CFAP46: variants seen among roughly 807,000 people sequenced by gnomAD.
CFAP46 encodes the protein cilia and flagella associated protein 46.
CFAP46 carries 245 observed loss-of-function variants against 325.7 expected under a neutral mutation model. The ratio of observed to expected loss-of-function variants is 0.75; its 90% CI spans 0.68 to 0.84. The LOEUF is 0.84. Among genes scored for constraint, CFAP46 ranks in the 40% least tolerant of loss-of-function variants. The probability of loss-of-function intolerance (pLI) is 0.00; values close to 1 mark genes in which losing one functional copy is unlikely to be tolerated. For synonymous variants in CFAP46, 1,523 were observed against 1,495.9 expected (o/e 1.02, Z -0.42); for missense variants, 3,346 against 3,543.0 (o/e 0.94, Z 1.41).
chr10:132,816,326 TTC>T (rs1243443479), intron 50 of CFAP46, among the ~76,000 whole-genome samples: 1 of 145,832 alleles, frequency 6.9e-6, no homozygotes. Context: ...CTCTGACTTC[TTC>T]TTTTTTTTTT....
chr10:132,861,028 G>A (rs1474381301), intron 35 of CFAP46, 46 bp from the exon 36 acceptor site: 1 of 1,526,518 alleles, frequency 6.6e-7, no homozygotes, highest in Non-Finnish European at 8.9e-7. Context: ...CTACAGATGT[G>A]TGCAGGCAGG....
chr10:132,913,896 A>G (rs1033396405), intron 17 of CFAP46, among the ~76,000 whole-genome samples: 2 of 113,454 alleles, frequency 1.8e-5, no homozygotes, highest in African/African-American at 3.4e-5. Flanking sequence ...CCCCTTTCCC[A>G]GCAGCCCCCT....
chr10:132,887,945 T>TCTCTCTCTCCTCTC, intron 25 of CFAP46, among the ~76,000 whole-genome samples: 2 of 72,794 alleles, frequency 2.7e-5, no homozygotes, highest in African/African-American at 2.2e-4. Context: ...CTCTTTCACC[T>TCTCTCTCTCCTCTC]CTCTCTCTCC....
intron 4 of CFAP46, 127 bp downstream of exon 4, chr10:132,940,869 G>A: frequency 1.1e-6 from 1 of 872,384 alleles, no homozygotes; most frequent in Admixed American, 2.1e-5. Context: ...GATCACACGT[G>A]CATGAAAATC....
At position 132,860,991 on chromosome 10, in the gene CFAP46, G is replaced by A; in HGVS notation, c.4891-9C>T. ...CAAGGCTCATCCAGCTCCTGAAGGA[G>A]AGAAACTCAGACATGCTTGGGTTCC... is the stretch of plus-strand genomic sequence containing the variant. On this transcript the variant is annotated splice_polypyrimidine_tract_variant and intron_variant, in intron 35 of 57. Coordinates refer to ENST00000368586, the MANE Select transcript of CFAP46 (RefSeq NM_001200049.3). The A allele has an allele frequency of 6.4e-7, 1 of 1,550,408 alleles. No individual in the cohort carries two copies. The highest frequency in any genetic ancestry group is 8.7e-7 in the Non-Finnish European group (1 of 1,146,996).
chr10:132,830,161 TGA>T (rs1324988460), intron 50 of CFAP46, among the ~76,000 whole-genome samples: 1 of 152,062 alleles, frequency 6.6e-6, no homozygotes, highest in East Asian at 1.9e-4. Context: ...TCTTTTTTTT[TGA>T]GATGGAGTCT....
intron 17 of CFAP46, among the ~76,000 whole-genome samples, chr10:132,915,468 A>C (rs1849622292): frequency 6.6e-6 from 1 of 152,194 alleles, no homozygotes; most frequent in Non-Finnish European, 1.5e-5. Flanking sequence ...CTTCCCTCCA[A>C]AGAGCTCGGC....
Position 132,836,211 on chromosome 10 carries a change from G to A in CFAP46, c.6544C>T (p.Leu2182=). 1 of 1,611,400 alleles carries A rather than the reference G, an allele frequency of 6.2e-7. No individual in the cohort carries two copies. Residue 2182 remains leucine, a synonymous_variant, in exon 46 of 58, where the codon CTG becomes TTG. Coordinates refer to ENST00000368586, the MANE Select transcript of CFAP46 (RefSeq NM_001200049.3). The part of the protein sequence containing the change: ...FLHLSGDRSR[L]YGAAYEKPKF... Reference sequence around the variant, plus strand: ...GGTTTCTCGTAGGCAGCGCCGTACAGACGGGACCTGCTGGCAGGACGTGGG... The same window carrying A: ...GGTTTCTCGTAGGCAGCGCCGTACAAACGGGACCTGCTGGCAGGACGTGGG...
chr10:132,938,530 C>T, intron 5 of CFAP46, 59 bp downstream of exon 5: 1 of 1,568,530 alleles, frequency 6.4e-7, no homozygotes, highest in Non-Finnish European at 8.7e-7. Context: ...GGGTGGTGGC[C>T]TCAGAGCCAG....
intron 43 of CFAP46, 28 bp downstream of exon 43, chr10:132,846,904 G>C (rs1848446798): frequency 1.3e-6 from 2 of 1,590,054 alleles, no homozygotes; most frequent in Non-Finnish European, 1.7e-6. Context: ...GAAGGGCCTG[G>C]CTGGAGGTGG....
intron 25 of CFAP46, among the ~76,000 whole-genome samples, chr10:132,890,169 T>A (rs1298728498): frequency 1.3e-5 from 2 of 152,092 alleles, no homozygotes; most frequent in African/African-American, 4.8e-5. Context: ...CACAGCCTCC[T>A]CTGCCCGGGT....
In CFAP46 at chr10:132,929,783, C is replaced by T. The variant is rs768077197; in HGVS notation, c.888G>A (p.Leu296=). 7.5e-6 allele frequency: 12 copies of T among 1,608,878 alleles called. No individual in the cohort carries two copies. Among genetic ancestry groups the T allele is most frequent in the South Asian group, 1.1e-5 (1 of 90,942 alleles). ...SEEKMLLLFE[L]ARFSLTLKCM... ...ATTTCAAGGTCAAGGAAAAACGCGC[C>T]AATTCAAAAAGCAAAAGCATTCTGC... Residue 296 remains leucine (L), a synonymous_variant, in exon 9 of 58, where the codon TTG becomes TTA. Transcript: ENST00000368586.
chr10:132,839,751 A>G (rs56186782), intron 44 of CFAP46, among the ~76,000 whole-genome samples: 18,687 of 152,238 alleles, frequency 0.12, 1,486 homozygotes, highest in African/African-American at 0.22. Context: ...TGCACCTGTC[A>G]AGGTGATTTT....
In CFAP46 at chr10:132,876,685, C is replaced by T. The variant is rs1039992759; in HGVS notation, c.4362+127G>A. On this transcript the variant is annotated intron_variant, in intron 31 of 57. Transcript: ENST00000368586. This position sits in a 1 kb window ranked among gnomAD's most constrained non-coding sequence, Gnocchi z 4.1. ...GGGAGGGCCTGTGGGAGGCTGGGGG[C>T]TGATGGGACTCTGTCCTGTCCTCCT... The T allele has an allele frequency of 1.4e-5, 14 of 968,898 alleles. No individual in the cohort carries two copies. The highest frequency in any genetic ancestry group is 1.9e-5 in the Non-Finnish European group (13 of 669,640). 60.0% of individuals were successfully genotyped at this position (968,898 alleles called of 1,614,324 possible). A position where few individuals can be genotyped will look rare whatever the true frequency, so the allele number is the denominator to read the frequency against.
chr10:132,938,622 T>C lies in CFAP46; in HGVS notation c.503A>G (p.Glu168Gly), dbSNP rs1850049488. 6.2e-7 allele frequency: 1 copy of C among 1,613,412 alleles called. No homozygotes were observed. The highest frequency in any genetic ancestry group is 1.7e-5 in the Admixed American group (1 of 60,004). Residue 168 changes from glutamate to glycine, a missense_variant, in exon 5 of 58, where the codon GAG becomes GGG. Coordinates refer to ENST00000368586, the MANE Select transcript of CFAP46 (RefSeq NM_001200049.3). ...CTCAGCACGCCACTCCTTGTCTTCCTCCTCAGTCTGACTCAGCACGTTTAT... is the reference window on the plus strand; with the variant it reads ...CTCAGCACGCCACTCCTTGTCTTCCCCCTCAGTCTGACTCAGCACGTTTAT... Reference protein sequence around the residue: ...QIINVLSQTEEEDKEWRAELM... With the variant: ...QIINVLSQTEGEDKEWRAELM...
rs771323588 is a variant in CFAP46 at position 132,866,043 on chromosome 10, C to T, written c.4872G>A (p.Glu1624=). 15 of 1,520,268 alleles carry T rather than the reference C, an allele frequency of 9.9e-6. No individual in the cohort carries two copies. The South Asian group carries it at 1.4e-4, about 14-fold the overall frequency. 94.2% of individuals were successfully genotyped at this position (1,520,268 alleles called of 1,614,324 possible). ...TCCTCACCTGGAAAGCCAGGTAAGC[C>T]TCCGACAGGAGCAGCCGTGCAGGCT... ...LYQPARLLLS[E]AYLAFQELDE... The change falls in exon 35 of 58, where the codon GAG becomes GAA. Residue 1624 remains glutamate (E), a synonymous_variant. Transcript: ENST00000368586.
rs1462318244 is a variant in CFAP46 at position 132,836,223 on chromosome 10, T to A, written c.6537-5A>T. On this transcript the variant is annotated splice_polypyrimidine_tract_variant and splice_region_variant and intron_variant, in intron 45 of 57. Transcript: ENST00000368586. ...GCAGCGCCGTACAGACGGGACCTGCTGGCAGGACGTGGGCCAGGGTCGCAG... is the reference window on the plus strand; with the variant it reads ...GCAGCGCCGTACAGACGGGACCTGCAGGCAGGACGTGGGCCAGGGTCGCAG... 6.2e-7 allele frequency: 1 copy of A among 1,611,006 alleles called. No homozygotes were observed. Among genetic ancestry groups the A allele is most frequent in the Non-Finnish European group, 8.5e-7 (1 of 1,179,586 alleles).
At position 132,834,085 on chromosome 10, in the gene CFAP46, G is replaced by A. The variant is rs145659759; in HGVS notation, c.6905C>T (p.Ser2302Leu). Residue 2302 changes from serine (S) to leucine (L), a missense_variant, in exon 49 of 58, where the codon TCG becomes TTG. Ser to Leu is a moderately radical substitution (Grantham distance 145). Transcript: ENST00000368586. Reference protein sequence around the residue: ...TPAVVADSGKSKGKDKERKTS... With the variant: ...TPAVVADSGKLKGKDKERKTS... Reference sequence around the variant, plus strand: ...TTTCCTCTCCTTGTCTTTGCCCTTCGACTTCCCTGAATCGGCAACAACCGC... The same window carrying A: ...TTTCCTCTCCTTGTCTTTGCCCTTCAACTTCCCTGAATCGGCAACAACCGC... 3.9e-5 allele frequency: 63 copies of A among 1,613,940 alleles called. No homozygotes were observed. The highest frequency in any genetic ancestry group is 3.3e-4 in the Middle Eastern group (2 of 6,084).
intron 50 of CFAP46, among the ~76,000 whole-genome samples, chr10:132,822,791 CTGTGTGTGT>C (rs1847900885): frequency 9.1e-6 from 1 of 109,536 alleles, no homozygotes. Flanking sequence ...CTTGTGTGTG[CTGTGTGTGT>C]GCTGATGTGT....
Sources: gnomAD v4.1 joint callset for allele counts (sites outside exome capture counted in the v4.1 genomes callset) on GRCh38, gnomAD v4.1.1 for gene constraint, Gnocchi (gnomAD v3.1) non-coding constraint, MANE v1.5 for transcripts, NCBI Gene and HGNC (gene_info 2026-07-23, HGNC 2026-07-21) for gene names.